Variants in CRY1 observed in about 807,000 individuals in gnomAD.
The protein encoded by CRY1 is cryptochrome-1.
In CRY1, 45 loss-of-function variants were observed where a neutral mutation model predicts 76.0. That is an observed-to-expected ratio of 0.59 (90% CI 0.47 to 0.76). The LOEUF is 0.76. CRY1 is among the 30% of genes least tolerant of loss of function. The pLI is 0.00. For synonymous variants in CRY1, 248 were observed against 244.0 expected (o/e 1.02, Z -0.15); for missense variants, 587 against 716.4 (o/e 0.82, Z 2.06).
intron 1 of CRY1, among the ~76,000 whole-genome samples, chr12:107,085,063 A>G (rs1241340924): frequency 6.6e-6 from 1 of 152,214 alleles, no homozygotes; most frequent in Admixed American, 6.5e-5. Context: ...CATGAAAAAA[A>G]AGCTCATCAT....
intron 1 of CRY1, among the ~76,000 whole-genome samples, chr12:107,059,944 AAT>A (rs1390267574): frequency 5.9e-5 from 9 of 152,374 alleles, no homozygotes; most frequent in South Asian, 2.1e-4. Flanking sequence ...GTTTTTAATA[AAT>A]ATGTGTGATA....
intron 1 of CRY1, among the ~76,000 whole-genome samples, chr12:107,084,658 T>A (rs376843439): frequency 1.3e-5 from 2 of 152,144 alleles, no homozygotes; most frequent in East Asian, 1.9e-4. Flanking sequence ...TTACACTGTA[T>A]ACAAAAATTC....
intron 2 of CRY1, among the ~76,000 whole-genome samples, chr12:107,009,573 TATATATATATATATATATATATATATATA>T (rs1952418909): frequency 4.9e-5 from 1 of 20,246 alleles, no homozygotes; most frequent in Non-Finnish European, 8.9e-5. Flanking sequence ...CATATATATA[TATATATATATATATATATATATATATATA>T]AAATCTCTAT....
intron 1 of CRY1, among the ~76,000 whole-genome samples, chr12:107,067,868 G>A (rs1424781280): frequency 6.6e-6 from 1 of 152,174 alleles, no homozygotes; most frequent in African/African-American, 2.4e-5. Context: ...TGGGCCATAA[G>A]GCAGTCAGTT....
chr12:107,041,053 G>A (rs2136866441), intron 1 of CRY1, among the ~76,000 whole-genome samples: 1 of 152,218 alleles, frequency 6.6e-6, no homozygotes, highest in East Asian at 1.9e-4. Context: ...CTGCCCTATG[G>A]ATGCTATACA....
In CRY1 at chr12:106,992,956, C is replaced by G; in HGVS notation, c.1657+9G>C. On this transcript the variant is annotated intron_variant, in intron 11 of 12. Coordinates refer to ENST00000008527, the MANE Select transcript of CRY1 (RefSeq NM_004075.5). The stretch of plus-strand genomic sequence containing the variant: ...AAAAGAACAGTATGCTCCAATGCTT[C>G]ATTCTTACCTTGCTTCAACAGGTGA... 6.2e-7 allele frequency: 1 copy of G among 1,614,042 alleles called. No individual in the cohort carries two copies. The highest frequency in any genetic ancestry group is 8.5e-7 in the Non-Finnish European group (1 of 1,179,930).
At chr12:107,060,201 T>C (rs1200025959) in intron 1 of CRY1, among the ~76,000 whole-genome samples, 2 of 152,240 alleles carry the variant, frequency 1.3e-5, no homozygotes, top group Non-Finnish European at 2.9e-5. Flanking sequence ...ATAGTTTGAA[T>C]GTGTCCCCCA....
intron 10 of CRY1, 126 bp downstream of exon 10, chr12:106,997,168 A>G: frequency 1.2e-6 from 1 of 855,014 alleles, no homozygotes; most frequent in Non-Finnish European, 1.9e-6. Flanking sequence ...GCATGCATAC[A>G]AAGAATCTAT....
chr12:107,063,013 ATTTATT>A lies in CRY1; in HGVS notation c.158+29785_158+29790del, dbSNP rs574473597. Among the ~76,000 whole-genome samples, 948 of 152,298 alleles carry A rather than the reference ATTTATT, an allele frequency of 6.2e-3. 6 individuals are homozygous for A. Among genetic ancestry groups the A allele is most frequent in the Non-Finnish European group, 0.011 (767 of 68,008 alleles). On this transcript the variant is annotated intron_variant, in intron 1 of 12. Coordinates refer to ENST00000008527, the MANE Select transcript of CRY1 (RefSeq NM_004075.5). Reference sequence around the variant, plus strand: ...AGTATTTGATTTTATACAAAACTTTATTTATTTTTAAGTTAAAAATATGTATTTCAT... The same window carrying A: ...AGTATTTGATTTTATACAAAACTTTATTTAAGTTAAAAATATGTATTTCAT...
intron 1 of CRY1, among the ~76,000 whole-genome samples, chr12:107,048,289 C>T (rs1466139507): frequency 1.3e-5 from 2 of 152,058 alleles, no homozygotes; most frequent in East Asian, 3.9e-4. Context: ...ACTACGTTGG[C>T]CAGGCTGGTC....
At chr12:107,000,165 A>T (rs1397756468) in intron 5 of CRY1, 83 bp from the exon 6 acceptor site, 202 of 1,266,654 alleles carry the variant, frequency 1.6e-4, no homozygotes, top group South Asian at 2.0e-4. Context: ...TTTTTTTTTT[A>T]AAGTTACATA....
intron 1 of CRY1, among the ~76,000 whole-genome samples, chr12:107,067,010 A>G (rs1283857625): frequency 1.3e-5 from 2 of 151,754 alleles, no homozygotes; most frequent in Non-Finnish European, 2.9e-5. Context: ...GAGTCTCACT[A>G]TGTTGCCCAG....
At chr12:107,031,377 T>A (rs952885939) in intron 1 of CRY1, among the ~76,000 whole-genome samples, 1 of 152,034 alleles carries the variant, frequency 6.6e-6, no homozygotes, top group African/African-American at 2.4e-5. Context: ...AATCTTTTTT[T>A]TTTTTTTTTG....
intron 1 of CRY1, among the ~76,000 whole-genome samples, chr12:107,048,600 A>G (rs1432804325): frequency 2.0e-5 from 3 of 151,958 alleles, no homozygotes; most frequent in Non-Finnish European, 4.4e-5. Context: ...CTCTCATGCT[A>G]TTTTCTGTAT....
At chr12:107,033,199 A>G (rs1952697555) in intron 1 of CRY1, among the ~76,000 whole-genome samples, 1 of 152,296 alleles carries the variant, frequency 6.6e-6, no homozygotes, top group Non-Finnish European at 1.5e-5. Context: ...ACTTACCAAA[A>G]TGGACTCAAG....
At chr12:106,993,696 C>T (rs1438831643) in intron 10 of CRY1, among the ~76,000 whole-genome samples, 1 of 152,048 alleles carries the variant, frequency 6.6e-6, no homozygotes, top group Non-Finnish European at 1.5e-5. Flanking sequence ...AGACTGTGCA[C>T]TTACTTTCGT....
At chr12:106,997,157 T>C (rs1952241435) in intron 10 of CRY1, 137 bp downstream of exon 10, 2 of 743,222 alleles carry the variant, frequency 2.7e-6, no homozygotes, top group African/African-American at 1.7e-5. Context: ...TGCACATGTA[T>C]GCATGCATAC....
Position 107,092,724 on chromosome 12 carries a change from G to C in CRY1, c.158+80C>G, listed in dbSNP as rs537603741. The C allele has an allele frequency of 4.9e-5, 77 of 1,568,502 alleles. No individual in the cohort carries two copies. The African/African-American group carries it at 1.0e-3, about 21-fold the overall frequency. ...AGACAGTCCCACGTCTAAATTCACAGATTTGGCGGATCGCATGGAATTCAT... is the reference window on the plus strand; with the variant it reads ...AGACAGTCCCACGTCTAAATTCACACATTTGGCGGATCGCATGGAATTCAT... On this transcript the variant is annotated intron_variant, in intron 1 of 12. Coordinates refer to ENST00000008527, the MANE Select transcript of CRY1 (RefSeq NM_004075.5).
chr12:107,070,666 T>TTTTTTTTA (rs1263215924), intron 1 of CRY1, among the ~76,000 whole-genome samples: 1,732 of 139,682 alleles, frequency 0.012, 8 homozygotes, highest in Non-Finnish European at 0.016. Context: ...ATTCTCTTAT[T>TTTTTTTTA]TTTATTTATT....
Sources: gnomAD v4.1 joint callset for allele counts (sites outside exome capture counted in the v4.1 genomes callset) on GRCh38, gnomAD v4.1.1 for gene constraint, MANE v1.5 for transcripts, NCBI Gene and HGNC (gene_info 2026-07-23, HGNC 2026-07-21) for gene names.